The following RBFOX1 variants were observed in gnomAD, a reference collection of about 807,000 sequenced individuals.
RBFOX1 encodes RNA binding protein fox-1 homolog 1.
In RBFOX1, 8 loss-of-function variants were observed where a neutral mutation model predicts 57.7. The ratio of observed to expected loss-of-function variants is 0.14; its 90% CI spans 0.08 to 0.25. RBFOX1 has a LOEUF of 0.25. RBFOX1 is among the 10% of genes least tolerant of loss of function. The pLI is 1.00. For synonymous variants in RBFOX1, 326 were observed against 222.4 expected, an observed-to-expected ratio of 1.47 and a Z score of -4.15; for missense variants, 611 against 548.5, an observed-to-expected ratio of 1.11 and a Z score of -1.14.
At position 7,147,242 on chromosome 16, in the gene RBFOX1, T is replaced by G. The variant is rs1036231146; in HGVS notation, c.27+95144T>G. On this transcript the variant is annotated intron_variant, in intron 4 of 15. Coordinates refer to ENST00000550418, the MANE Select transcript of RBFOX1 (RefSeq NM_018723.4). ...CTGGTCAGGAACTCCTGACCTCAAGTGATCCGCCCACCTCAGCCTCCCAAA... is the reference window on the plus strand; with the variant it reads ...CTGGTCAGGAACTCCTGACCTCAAGGGATCCGCCCACCTCAGCCTCCCAAA... Among the ~76,000 whole-genome samples, 3 of 151,418 alleles carry G rather than the reference T, an allele frequency of 2.0e-5. No homozygotes were observed. The South Asian group carries it at 6.3e-4, about 32-fold the overall frequency.
chr16:5,625,176 G>C (rs1264877686), intron 3 of RBFOX1, among the ~76,000 whole-genome samples: 1 of 152,126 alleles, frequency 6.6e-6, no homozygotes, highest in Admixed American at 6.5e-5. Context: ...CATTGGCTAG[G>C]CTTTACTGGA....
intron 2 of RBFOX1, among the ~76,000 whole-genome samples, chr16:6,339,982 T>C (rs1387848214): frequency 6.6e-6 from 1 of 152,120 alleles, no homozygotes; most frequent in African/African-American, 2.4e-5. Context: ...CAGCCCATCT[T>C]AAGCAATTCT....
intron 4 of RBFOX1, among the ~76,000 whole-genome samples, chr16:7,168,380 T>C (rs561247607): frequency 1.3e-5 from 2 of 152,150 alleles, no homozygotes; most frequent in East Asian, 3.9e-4. Flanking sequence ...AGGTAGGAAA[T>C]GGGAAAGAGT....
intron 1 of RBFOX1, among the ~76,000 whole-genome samples, chr16:5,348,402 G>A (rs548977634): frequency 3.9e-5 from 6 of 152,338 alleles, no homozygotes; most frequent in African/African-American, 1.4e-4. Context: ...TGTTAAGAAT[G>A]TTGCATCAAA....
chr16:7,219,772 G>A lies in RBFOX1; in HGVS notation c.27+167674G>A, dbSNP rs116002975. 8.2e-3 allele frequency among the ~76,000 whole-genome samples: 1,244 copies of A among 152,194 alleles called. 13 individuals are homozygous for A. The highest frequency in any genetic ancestry group is 0.012 in the Non-Finnish European group (803 of 68,000). On this transcript the variant is annotated intron_variant, in intron 4 of 15. Coordinates refer to ENST00000550418, the MANE Select transcript of RBFOX1 (RefSeq NM_018723.4). ...TCCATTCCTTTTAGAAAAGCCAGAC[G>A]GATAATTTAATTTTTGTTCTCTATG...
intron 3 of RBFOX1, among the ~76,000 whole-genome samples, chr16:5,728,945 A>G (rs2052257322): frequency 6.6e-6 from 1 of 152,222 alleles, no homozygotes; most frequent in African/African-American, 2.4e-5. Flanking sequence ...TGATAGTGAC[A>G]AACAGTGACA....
chr16:5,687,403 T>C (rs1252918509), intron 3 of RBFOX1, among the ~76,000 whole-genome samples: 1 of 152,172 alleles, frequency 6.6e-6, no homozygotes. Flanking sequence ...CCTTAAACTT[T>C]TTAGCTTCCT....
intron 2 of RBFOX1, among the ~76,000 whole-genome samples, chr16:6,508,453 T>TA (rs199699742): frequency 1.5e-3 from 227 of 151,608 alleles, no homozygotes; most frequent in African/African-American, 5.2e-3. Flanking sequence ...TTAACCACAG[T>TA]AAAAAAAAAT....
intron 4 of RBFOX1, among the ~76,000 whole-genome samples, chr16:5,873,249 T>G (rs2057522247): frequency 6.6e-6 from 1 of 152,238 alleles, no homozygotes; most frequent in African/African-American, 2.4e-5. Flanking sequence ...GAAAGCTTGC[T>G]GTGCTACCTT....
At chr16:6,106,633 G>T (rs2096383126) in intron 1 of RBFOX1, among the ~76,000 whole-genome samples, 1 of 152,050 alleles carries the variant, frequency 6.6e-6, no homozygotes, top group South Asian at 2.1e-4. Context: ...ATCTCTTATG[G>T]AAGTATGCAT....
At chr16:5,656,725 GA>G (rs1435331303) in intron 3 of RBFOX1, among the ~76,000 whole-genome samples, 1 of 152,176 alleles carries the variant, frequency 6.6e-6, no homozygotes, top group Non-Finnish European at 1.5e-5. Flanking sequence ...CAAAGGACAT[GA>G]ACTCATTCTT....
intron 4 of RBFOX1, among the ~76,000 whole-genome samples, chr16:5,939,735 T>C (rs983578104): frequency 2.6e-5 from 4 of 152,206 alleles, no homozygotes; most frequent in African/African-American, 9.6e-5. Flanking sequence ...TGTGGATGTA[T>C]TCTAAAACCA....
chr16:5,843,036 C>T (rs575969095), intron 3 of RBFOX1, among the ~76,000 whole-genome samples: 24 of 152,138 alleles, frequency 1.6e-4, no homozygotes, highest in Admixed American at 2.6e-4. Flanking sequence ...ACCATGTTGG[C>T]CAGGCTGGTC....
chr16:7,452,260 T>C (rs557470968), intron 4 of RBFOX1, among the ~76,000 whole-genome samples: 1 of 152,308 alleles, frequency 6.6e-6, no homozygotes, highest in South Asian at 2.1e-4. Context: ...TAATAGTCTA[T>C]TTAGGGTAAC....
intron 3 of RBFOX1, among the ~76,000 whole-genome samples, chr16:6,763,104 G>C (rs1324672052): frequency 6.6e-6 from 1 of 152,188 alleles, no homozygotes; most frequent in East Asian, 1.9e-4. Flanking sequence ...GTAAATGTCA[G>C]ACCACTGTCT....
intron 2 of RBFOX1, among the ~76,000 whole-genome samples, chr16:5,581,374 C>T (rs996777230): frequency 1.3e-5 from 2 of 152,184 alleles, no homozygotes; most frequent in Non-Finnish European, 2.9e-5. Context: ...ACTCTTTTGT[C>T]CAATACCTAT....
intron 1 of RBFOX1, among the ~76,000 whole-genome samples, chr16:6,294,641 C>G (rs1180213195): frequency 6.6e-6 from 1 of 152,162 alleles, no homozygotes; most frequent in Admixed American, 6.6e-5. Flanking sequence ...ATAGAGTCTA[C>G]TAAAGTAACT....
chr16:7,473,990 A>G (rs112871492), intron 4 of RBFOX1, among the ~76,000 whole-genome samples: 4 of 152,106 alleles, frequency 2.6e-5, no homozygotes, highest in African/African-American at 7.2e-5. Flanking sequence ...TTATCTTTTC[A>G]TTAAAAACAG....
At chr16:6,192,160 TAG>T (rs1279213970) in intron 1 of RBFOX1, among the ~76,000 whole-genome samples, 15 of 152,116 alleles carry the variant, frequency 9.9e-5, no homozygotes, top group Non-Finnish European at 2.9e-5. Flanking sequence ...CATCGCAATT[TAG>T]TTTGGAAGAT....
Sources: gnomAD v4.1 joint callset for allele counts (sites outside exome capture counted in the v4.1 genomes callset) on GRCh38, gnomAD v4.1.1 for gene constraint, MANE v1.5 for transcripts, NCBI Gene and HGNC (gene_info 2026-07-23, HGNC 2026-07-21) for gene names.